ACOT8: variants seen among roughly 807,000 people sequenced by gnomAD.
ACOT8 encodes acyl-coenzyme A thioesterase 8.
Under a neutral mutation model 38.4 loss-of-function variants are expected in ACOT8, and 31 were observed. The ratio of observed to expected loss-of-function variants is 0.81; its 90% confidence interval spans 0.61 to 1.09. The LOEUF (loss-of-function observed/expected upper bound fraction) is 1.09. ACOT8 is among the 50% of genes least tolerant of loss of function. The pLI is 0.00. For missense variants in ACOT8, 373 were observed against 421.8 expected, an observed-to-expected ratio of 0.88 and a Z score of 1.01; for synonymous variants, 158 against 170.3, an observed-to-expected ratio of 0.93 and a Z score of 0.56.
intron 2 of ACOT8, among the ~76,000 whole-genome samples, chr20:45,853,110 A>T (rs922860934): frequency 6.6e-5 from 10 of 152,198 alleles, no homozygotes; most frequent in African/African-American, 2.4e-4. Context: ...GACACAGCTC[A>T]TTTCACGCTG....
chr20:45,841,807 T>C lies in ACOT8; in HGVS notation c.*31A>G, dbSNP rs941532972. ...AGGAATGGGGATAGATGGGAGGTTC[T>C]TGAAGCCCCAGGCGAAGCTGGTACC... is the stretch of plus-strand genomic sequence containing the variant. On this transcript the variant is annotated 3_prime_UTR_variant, in exon 6 of 6. Transcript: ENST00000217455. 2.6e-6 allele frequency: 4 copies of C among 1,562,812 alleles called. No individual in the cohort carries two copies. In the African/African-American group the frequency reaches 4.1e-5, roughly 16 times the overall value.
intron 3 of ACOT8, 52 bp from the exon 4 acceptor site, chr20:45,844,472 A>G: frequency 6.3e-7 from 1 of 1,586,722 alleles, no homozygotes. Context: ...AGAGGGAGTC[A>G]CATCTGCATT....
intron 3 of ACOT8, among the ~76,000 whole-genome samples, chr20:45,845,936 A>C (rs1984659786): frequency 6.7e-6 from 1 of 148,670 alleles, no homozygotes; most frequent in Admixed American, 6.7e-5. Flanking sequence ...GGTCCAAGCG[A>C]CTCTCCTGCC....
chr20:45,848,596 G>C lies in ACOT8; in HGVS notation c.342C>G (p.Ala114=), dbSNP rs201829620. Residue 114 remains alanine (A), a synonymous_variant, in exon 3 of 6, where the codon GCC becomes GCG. Coordinates refer to ENST00000217455, the MANE Select transcript of ACOT8 (RefSeq NM_005469.4). ...TGAAGATGGGCTTCCCATGTTGCACGGCCTTCACAGAGCGCACCGAGAAGC... is the reference window on the plus strand; with the variant it reads ...TGAAGATGGGCTTCCCATGTTGCACCGCCTTCACAGAGCGCACCGAGAAGC... ...GSSFSVRSVK[A]VQHGKPIFIC... 2.7e-5 allele frequency: 44 copies of C among 1,613,900 alleles called. No individual in the cohort carries two copies. Among genetic ancestry groups the C allele is most frequent in the Non-Finnish European group, 3.7e-5 (44 of 1,179,988 alleles).
rs191405853 is a variant in ACOT8 at position 45,848,194 on chromosome 20, G to A, written c.488+256C>T. On this transcript the variant is annotated intron_variant, in intron 3 of 5. Transcript: ENST00000217455. ...CAAAGTGCTGGGATTATAGGTATGCGCCACTGCACCCGGCCAAGCCCTTCA... is the reference window on the plus strand; with the variant it reads ...CAAAGTGCTGGGATTATAGGTATGCACCACTGCACCCGGCCAAGCCCTTCA... Among the ~76,000 whole-genome samples, 16 of 152,182 alleles carry A rather than the reference G, an allele frequency of 1.1e-4. No individual in the cohort carries two copies. The East Asian group carries it at 1.9e-3, about 18-fold the overall frequency.
chr20:45,844,514 G>T (rs1169074190), intron 3 of ACOT8, 94 bp from the exon 4 acceptor site: 1 of 1,435,946 alleles, frequency 7.0e-7, no homozygotes, highest in East Asian at 2.3e-5. Context: ...TCTTCCACAG[G>T]GACCCCTGAT....
rs1406229711 is a variant in ACOT8 at position 45,857,279 on chromosome 20, A to G, written c.37T>C (p.Cys13Arg). Reference protein sequence around the residue: ...SPQAPEDGQGCGDRGDPPGDL... With the variant: ...SPQAPEDGQGRGDRGDPPGDL... The stretch of plus-strand genomic sequence containing the variant: ...CCAGGGGGATCGCCGCGGTCGCCAC[A>G]GCCCTGCCCATCTTCTGGGGCCTGC... Residue 13 changes from cysteine to arginine, a missense_variant, in exon 1 of 6, where the codon TGT becomes CGT. Cys to Arg is a radical substitution (Grantham distance 180). Transcript: ENST00000217455. 1.2e-6 allele frequency: 2 copies of G among 1,611,850 alleles called. No homozygotes were observed. Among genetic ancestry groups the G allele is most frequent in the East Asian group, 4.5e-5 (2 of 44,812 alleles).
At chr20:45,855,846 C>A (rs893780466) in intron 1 of ACOT8, among the ~76,000 whole-genome samples, 5 of 152,236 alleles carry the variant, frequency 3.3e-5, no homozygotes, top group African/African-American at 1.2e-4. Flanking sequence ...GAGAAAACTG[C>A]AGCTTGGCCC....
intron 5 of ACOT8, chr20:45,842,282 C>A: frequency 7.0e-7 from 1 of 1,427,396 alleles, no homozygotes; most frequent in South Asian, 1.5e-5. Context: ...CCCACAGGAA[C>A]CCCAGTTGAC....
At chr20:45,849,974 T>G (rs1278694611) in intron 2 of ACOT8, among the ~76,000 whole-genome samples, 1 of 152,108 alleles carries the variant, frequency 6.6e-6, no homozygotes, top group African/African-American at 2.4e-5. Context: ...TTTGGGAGGC[T>G]GAGGCGGGCA....
intron 3 of ACOT8, 122 bp from the exon 4 acceptor site, chr20:45,844,542 C>T: frequency 8.5e-7 from 1 of 1,174,858 alleles, no homozygotes; most frequent in Admixed American, 2.6e-5. Flanking sequence ...AAGCTCCCCT[C>T]CCCTGTGGCA....
intron 5 of ACOT8, chr20:45,843,219 CTG>C (rs1246794240): frequency 1.7e-5 from 9 of 518,284 alleles, no homozygotes; most frequent in Admixed American, 5.3e-5. Flanking sequence ...GATGAGGAAA[CTG>C]AGGTTCAGAT....
At chr20:45,842,141 T>C (rs1984230863) in intron 5 of ACOT8, 185 bp from the exon 6 acceptor site, 1 of 1,527,600 alleles carries the variant, frequency 6.5e-7, no homozygotes. Flanking sequence ...ATGCCCAACC[T>C]CCAAGTGGAC....
chr20:45,846,004 TTG>T (rs1176011762), intron 3 of ACOT8, among the ~76,000 whole-genome samples: 1 of 151,858 alleles, frequency 6.6e-6, no homozygotes. Context: ...GCTAATTTTT[TTG>T]TGTGTGTATT....
intron 2 of ACOT8, 130 bp from the exon 3 acceptor site, chr20:45,848,805 A>G: frequency 1.3e-6 from 1 of 785,862 alleles, no homozygotes; most frequent in Non-Finnish European, 1.9e-6. Context: ...GCTAAGGTCC[A>G]GGCCCAGGGA....
Position 45,841,887 on chromosome 20 carries a change from TG to T in ACOT8, c.910del (p.Gln304ArgfsTer4), listed in dbSNP as rs760616849. 778 of 1,611,618 alleles carry T rather than the reference TG, an allele frequency of 4.8e-4. No individual in the cohort carries two copies. Among genetic ancestry groups the T allele is most frequent in the Non-Finnish European group, 6.0e-4 (711 of 1,179,442 alleles). On this transcript the variant is annotated frameshift_variant, in exon 6 of 6. Coordinates refer to ENST00000217455, the MANE Select transcript of ACOT8 (RefSeq NM_005469.4). LOFTEE classifies it high-confidence loss of function. ...QDGVLAVTCA[Q>X]EGVIRVKPQV... is the part of the protein sequence containing the mutation. ...GGGCTTCACTCGGATCACGCCCTCC[TG>T]GGCACAGGTCACAGCTAGGACTCCA...
intron 2 of ACOT8, among the ~76,000 whole-genome samples, chr20:45,851,117 G>A (rs1209256908): frequency 6.6e-6 from 1 of 152,146 alleles, no homozygotes; most frequent in African/African-American, 2.4e-5. Context: ...TGATCCAAAT[G>A]GGGAGTCAAC....
At chr20:45,849,602 C>T (rs1429209083) in intron 2 of ACOT8, among the ~76,000 whole-genome samples, 1 of 152,126 alleles carries the variant, frequency 6.6e-6, no homozygotes, top group Non-Finnish European at 1.5e-5. Context: ...AGGCGTGCGC[C>T]GCTACACCCA....
chr20:45,849,307 T>C (rs1294858813), intron 2 of ACOT8, among the ~76,000 whole-genome samples: 1 of 152,140 alleles, frequency 6.6e-6, no homozygotes, highest in South Asian at 2.1e-4. Context: ...TTGTTTGAGA[T>C]GGAGTCTTGC....
Sources: allele counts gnomAD v4.1 joint callset (sites outside exome capture counted in the v4.1 genomes callset), GRCh38; gene constraint gnomAD v4.1.1; transcripts MANE v1.5; gene names NCBI Gene and HGNC (gene_info 2026-07-23, HGNC 2026-07-21).